ARHGAP42: variants seen among roughly 807,000 people sequenced by gnomAD.
The protein encoded by ARHGAP42 is Rho GTPase activating protein 42, also known as rho GTPase-activating protein 42.
A neutral mutation model predicts 125.0 loss-of-function variants in ARHGAP42; 63 were observed. The ratio of observed to expected loss-of-function variants is 0.50; its 90% CI spans 0.41 to 0.62. The LOEUF is 0.62. Ranked by LOEUF, ARHGAP42 falls within the 20% of genes least tolerant of loss-of-function variation. The pLI is 0.00. For missense variants in ARHGAP42, 766 were observed against 1,024.2 expected (o/e 0.75, Z 3.44); for synonymous variants, 339 against 351.0 (o/e 0.97, Z 0.38).
chr11:100,836,464 AT>A (rs2135102806), intron 3 of ARHGAP42, among the ~76,000 whole-genome samples: 1 of 152,232 alleles, frequency 6.6e-6, no homozygotes, highest in African/African-American at 2.4e-5. Flanking sequence ...TATTTATGGC[AT>A]TGGAAGAACT....
intron 4 of ARHGAP42, among the ~76,000 whole-genome samples, chr11:100,876,711 T>A (rs1184310950): frequency 6.6e-6 from 1 of 152,242 alleles, no homozygotes; most frequent in Non-Finnish European, 1.5e-5. Flanking sequence ...TATTTGCAAC[T>A]GAACACATAT....
intron 4 of ARHGAP42, among the ~76,000 whole-genome samples, chr11:100,866,583 A>G (rs1865574986): frequency 6.6e-6 from 1 of 152,198 alleles, no homozygotes; most frequent in Admixed American, 6.5e-5. Flanking sequence ...GCCTCAGGAA[A>G]CTTACAATCA....
intron 6 of ARHGAP42, among the ~76,000 whole-genome samples, chr11:100,924,948 C>T (rs535319650): frequency 6.6e-6 from 1 of 152,060 alleles, no homozygotes; most frequent in East Asian, 1.9e-4. Context: ...CTGCCTCAGC[C>T]TCCTGAGCGA....
In ARHGAP42 at chr11:100,691,612, C is replaced by A. The variant is rs1220345812; in HGVS notation, c.154+3780C>A. Among the ~76,000 whole-genome samples the A allele has an allele frequency of 3.9e-5, 6 of 152,136 alleles. No homozygotes were observed. In the East Asian group the frequency reaches 1.2e-3, roughly 29 times the overall value. ...CTCACTGCAGCCTCTACCTCCCAGGCTCAGGTGATCCTCCCACCTCAGCCT... is the reference window on the plus strand; with the variant it reads ...CTCACTGCAGCCTCTACCTCCCAGGATCAGGTGATCCTCCCACCTCAGCCT... On this transcript the variant is annotated intron_variant, in intron 1 of 23. Transcript: ENST00000298815.
intron 4 of ARHGAP42, among the ~76,000 whole-genome samples, chr11:100,895,685 C>A (rs1866337001): frequency 6.6e-6 from 1 of 151,450 alleles, no homozygotes; most frequent in Non-Finnish European, 1.5e-5. Flanking sequence ...ATGTTTCTGC[C>A]CAGATTTTCT....
intron 3 of ARHGAP42, among the ~76,000 whole-genome samples, chr11:100,797,549 T>G (rs530459967): frequency 1.3e-5 from 2 of 152,180 alleles, no homozygotes; most frequent in African/African-American, 4.8e-5. Flanking sequence ...GCACATCAGT[T>G]TACAGCATGG....
chr11:100,884,379 C>A (rs1866034339), intron 4 of ARHGAP42, among the ~76,000 whole-genome samples: 1 of 152,052 alleles, frequency 6.6e-6, no homozygotes, highest in African/African-American at 2.4e-5. Flanking sequence ...TTCCAAAATT[C>A]AATCTGAGGT....
At chr11:100,931,978 G>T (rs767395867) in intron 6 of ARHGAP42, among the ~76,000 whole-genome samples, 3 of 152,104 alleles carry the variant, frequency 2.0e-5, no homozygotes, top group Non-Finnish European at 4.4e-5. Flanking sequence ...CTACATTTTG[G>T]TATAATATCA....
At chr11:100,780,628 C>A (rs1035296081) in intron 2 of ARHGAP42, among the ~76,000 whole-genome samples, 1 of 152,142 alleles carries the variant, frequency 6.6e-6, no homozygotes, top group East Asian at 1.9e-4. Context: ...AGCCGAAGGC[C>A]GATGGGGATT....
chr11:100,799,805 GA>G lies in ARHGAP42; in HGVS notation c.312+4640del, dbSNP rs1162339237. ...AAAGGAATGTTCTCATAGCACTGAA[GA>G]GACTTTGTAGGCATCAGAGGAAAAG... On this transcript the variant is annotated intron_variant, in intron 3 of 23. Coordinates refer to ENST00000298815, the MANE Select transcript of ARHGAP42 (RefSeq NM_152432.4). Among the ~76,000 whole-genome samples the G allele has an allele frequency of 2.6e-5, 4 of 152,212 alleles. No individual in the cohort carries two copies. In the East Asian group the frequency reaches 7.7e-4, roughly 29 times the overall value.
chr11:100,870,162 A>G (rs1429621687), intron 4 of ARHGAP42, among the ~76,000 whole-genome samples: 1 of 152,168 alleles, frequency 6.6e-6, no homozygotes, highest in African/African-American at 2.4e-5. Context: ...TTTTCTAGCA[A>G]TGAAGTCTTC....
At chr11:100,857,838 C>G (rs575799978) in intron 3 of ARHGAP42, among the ~76,000 whole-genome samples, 1 of 152,072 alleles carries the variant, frequency 6.6e-6, no homozygotes, top group Non-Finnish European at 1.5e-5. Context: ...AACCCGTCCT[C>G]GTTCCTTATC....
At chr11:100,795,865 T>C (rs1180489913) in intron 3 of ARHGAP42, among the ~76,000 whole-genome samples, 1 of 152,160 alleles carries the variant, frequency 6.6e-6, no homozygotes, top group Non-Finnish European at 1.5e-5. Context: ...TAAATACATT[T>C]TGATGGTGAT....
chr11:100,921,249 T>A (rs1389658072), intron 5 of ARHGAP42, among the ~76,000 whole-genome samples: 57 of 34,048 alleles, frequency 1.7e-3, no homozygotes, highest in Middle Eastern at 0.033. Context: ...ATATATATTT[T>A]TTTTTTTTTT....
At chr11:100,844,023 G>A (rs1358818264) in intron 3 of ARHGAP42, among the ~76,000 whole-genome samples, 1 of 152,102 alleles carries the variant, frequency 6.6e-6, no homozygotes, top group Non-Finnish European at 1.5e-5. Context: ...AAATCTGGAG[G>A]CATTGCATTA....
At chr11:100,771,992 G>T (rs1055112114) in intron 2 of ARHGAP42, among the ~76,000 whole-genome samples, 1 of 152,152 alleles carries the variant, frequency 6.6e-6, no homozygotes, top group African/African-American at 2.4e-5. Context: ...CATGGACCAC[G>T]CTCTGAGAAG....
intron 17 of ARHGAP42, 39 bp from the exon 18 acceptor site, chr11:100,973,136 C>T (rs1268968972): frequency 6.8e-7 from 1 of 1,461,140 alleles, no homozygotes. Flanking sequence ...AATTTTGAAA[C>T]ATATAACTTA....
At chr11:100,748,375 A>G (rs1330545611) in intron 1 of ARHGAP42, among the ~76,000 whole-genome samples, 1 of 152,056 alleles carries the variant, frequency 6.6e-6, no homozygotes, top group Non-Finnish European at 1.5e-5. Context: ...TCCCTCAATC[A>G]CCCGACTGTC....
chr11:100,837,753 A>G (rs1310493063), intron 3 of ARHGAP42, among the ~76,000 whole-genome samples: 5 of 129,004 alleles, frequency 3.9e-5, no homozygotes, highest in Middle Eastern at 5.2e-3. Context: ...TGAGAATGGG[A>G]GGTTTTTTCC....
Sources: gnomAD v4.1 joint callset for allele counts (sites outside exome capture counted in the v4.1 genomes callset) on GRCh38, gnomAD v4.1.1 for gene constraint, MANE v1.5 for transcripts, NCBI Gene and HGNC (gene_info 2026-07-23, HGNC 2026-07-21) for gene names.